Variants in PLCG2 observed in about 807,000 individuals in gnomAD.
PLCG2 encodes the protein 1-phosphatidylinositol 4,5-bisphosphate phosphodiesterase gamma-2.
Under a neutral mutation model 175.6 loss-of-function variants are expected in PLCG2, and 69 were observed. The ratio of observed to expected loss-of-function variants is 0.39; its 90% CI spans 0.32 to 0.48. The LOEUF (loss-of-function observed/expected upper bound fraction) is 0.48, where lower values mean the gene tolerates loss of function less well. PLCG2 is among the 20% of genes least tolerant of loss of function. The pLI, the probability that PLCG2 is intolerant of heterozygous loss-of-function variation, is 0.91. For missense variants in PLCG2, 1,798 were observed against 1,650.9 expected (o/e 1.09, Z -1.54); for synonymous variants, 827 against 624.0 (o/e 1.33, Z -4.85).
intron 2 of PLCG2, among the ~76,000 whole-genome samples, chr16:81,845,723 G>C (rs1906080894): frequency 6.6e-6 from 1 of 152,240 alleles, no homozygotes; most frequent in Non-Finnish European, 1.5e-5. Context: ...TGGGTAGTGG[G>C]ATCATCATTC....
At chr16:81,879,283 C>T (rs1416784926) in intron 7 of PLCG2, among the ~76,000 whole-genome samples, 1 of 152,164 alleles carries the variant, frequency 6.6e-6, no homozygotes, top group Non-Finnish European at 1.5e-5. Context: ...GTGACCTAAG[C>T]AGTAAATGAG....
chr16:81,831,801 C>G (rs975478112), intron 2 of PLCG2, among the ~76,000 whole-genome samples: 3 of 152,228 alleles, frequency 2.0e-5, no homozygotes, highest in Non-Finnish European at 4.4e-5. Flanking sequence ...CTCTTACCTT[C>G]TAGCTGTCTG....
At chr16:81,949,470 G>T (rs992692664) in intron 31 of PLCG2, among the ~76,000 whole-genome samples, 1 of 152,184 alleles carries the variant, frequency 6.6e-6, no homozygotes, top group African/African-American at 2.4e-5. Flanking sequence ...CTCCCAAAGT[G>T]GGTAGAATGT....
chr16:81,750,796 T>G (rs920146202), intron 1 of PLCG2, among the ~76,000 whole-genome samples: 3 of 149,296 alleles, frequency 2.0e-5, no homozygotes, highest in African/African-American at 7.4e-5. Flanking sequence ...GCCTCCCGAG[T>G]ACTTGGGACT....
chr16:81,861,508 C>T (rs1906978487), intron 5 of PLCG2, among the ~76,000 whole-genome samples: 1 of 152,202 alleles, frequency 6.6e-6, no homozygotes, highest in Non-Finnish European at 1.5e-5. Context: ...TTTTTCTGTC[C>T]ACCTGCCTTT....
intron 2 of PLCG2, among the ~76,000 whole-genome samples, chr16:81,825,575 G>A (rs1272753451): frequency 1.3e-5 from 2 of 152,100 alleles, no homozygotes; most frequent in African/African-American, 4.8e-5. Flanking sequence ...GATTATAGGC[G>A]TGAGCCACCG....
chr16:81,869,422 T>G lies in PLCG2; in HGVS notation c.564+124T>G, dbSNP rs1229830714. On this transcript the variant is annotated intron_variant, in intron 6 of 32. Coordinates refer to ENST00000564138, the MANE Select transcript of PLCG2 (RefSeq NM_002661.5). ...ACAAGAAAATCCTTTGCCTCCAGAG[T>G]ACATCTTAGTTCAGACAGAGGGATC... 2.4e-5 allele frequency: 17 copies of G among 705,864 alleles called. No individual in the cohort carries two copies. The East Asian group carries it at 4.3e-4, about 18-fold the overall frequency. The allele number at this position is 705,864 out of a possible 1,614,324, so 43.7% of individuals were successfully genotyped here. A position where few individuals can be genotyped will look rare whatever the true frequency, so the allele number is the denominator to read the frequency against.
intron 2 of PLCG2, among the ~76,000 whole-genome samples, chr16:81,827,800 C>T (rs56204860): frequency 1.6e-4 from 25 of 151,906 alleles, no homozygotes; most frequent in African/African-American, 4.8e-4. Context: ...TAAAAAAAAG[C>T]GTTGACGCCG....
chr16:81,820,558 C>T (rs972291455), intron 2 of PLCG2, among the ~76,000 whole-genome samples: 1 of 152,252 alleles, frequency 6.6e-6, no homozygotes, highest in African/African-American at 2.4e-5. Context: ...CCTACTCCCC[C>T]ATTCTCCTCA....
intron 19 of PLCG2, among the ~76,000 whole-genome samples, chr16:81,913,955 C>T (rs1909736842): frequency 6.6e-6 from 1 of 152,230 alleles, no homozygotes; most frequent in South Asian, 2.1e-4. Context: ...CAGAGAGCAG[C>T]CTCCCACCAG....
At chr16:81,792,449 C>G (rs577860155) in intron 2 of PLCG2, among the ~76,000 whole-genome samples, 118 of 131,254 alleles carry the variant, frequency 9.0e-4, no homozygotes, top group African/African-American at 3.4e-3. Flanking sequence ...CCACTGCACT[C>G]CAGCCTGGGT....
intron 30 of PLCG2, among the ~76,000 whole-genome samples, chr16:81,944,399 ATTAAAGTAATCTAAT>A (rs1305715824): frequency 2.0e-5 from 3 of 152,208 alleles, no homozygotes; most frequent in Non-Finnish European, 4.4e-5. Flanking sequence ...TGTCTTGGGT[ATTAAAGTAATCTAAT>A]TTAAAGGATA....
chr16:81,818,882 G>GTTTTTTTTT (rs1567480211), intron 2 of PLCG2, among the ~76,000 whole-genome samples: 1 of 59,646 alleles, frequency 1.7e-5, no homozygotes, highest in Admixed American at 2.7e-4. Context: ...TGGGCTCATG[G>GTTTTTTTTT]ATTTTTTTTT....
intron 1 of PLCG2, 40 bp downstream of exon 1, chr16:81,779,464 A>T (rs1319648529): frequency 3.3e-5 from 5 of 151,482 alleles, no homozygotes; most frequent in African/African-American, 1.2e-4. Context: ...CAGGGCGCCC[A>T]GGGACCTGCG....
intron 7 of PLCG2, among the ~76,000 whole-genome samples, chr16:81,875,844 C>T (rs1025317894): frequency 5.3e-5 from 8 of 152,086 alleles, no homozygotes; most frequent in South Asian, 2.1e-4. Context: ...ATTATTCTGC[C>T]GGATTTTACA....
intron 7 of PLCG2, among the ~76,000 whole-genome samples, chr16:81,880,483 T>C (rs938906460): frequency 7.9e-5 from 12 of 151,778 alleles, no homozygotes; most frequent in African/African-American, 2.9e-4. Flanking sequence ...AAAAATCAAG[T>C]GACATGCTTA....
chr16:81,791,798 C>G (rs967094492), intron 2 of PLCG2, among the ~76,000 whole-genome samples: 1 of 152,170 alleles, frequency 6.6e-6, no homozygotes, highest in Non-Finnish European at 1.5e-5. Context: ...CTCCTGACCT[C>G]TCGTGATCTG....
intron 2 of PLCG2, among the ~76,000 whole-genome samples, chr16:81,836,844 C>T (rs1394722493): frequency 1.3e-5 from 2 of 152,206 alleles, no homozygotes; most frequent in East Asian, 3.8e-4. Context: ...AGCCTCCCCA[C>T]CTGTGGAAGG....
At chr16:81,759,864 C>G (rs184003551) in intron 2 of PLCG2, among the ~76,000 whole-genome samples, 3 of 152,212 alleles carry the variant, frequency 2.0e-5, no homozygotes, top group African/African-American at 7.2e-5. Flanking sequence ...TGGTGGCTCA[C>G]GCCTGTAATC....
Sources: gnomAD v4.1 joint callset for allele counts (sites outside exome capture counted in the v4.1 genomes callset) on GRCh38, gnomAD v4.1.1 for gene constraint, MANE v1.5 for transcripts, NCBI Gene and HGNC (gene_info 2026-07-23, HGNC 2026-07-21) for gene names.